The following PROX1 variants were observed in gnomAD, a reference collection of about 807,000 sequenced individuals.
PROX1 encodes prospero homeobox protein 1.
Under a neutral mutation model 58.8 loss-of-function variants are expected in PROX1, and 7 were observed. The ratio of observed to expected loss-of-function variants is 0.12; its 90% CI spans 0.07 to 0.22. The LOEUF (loss-of-function observed/expected upper bound fraction) is 0.22. Among genes scored for constraint, PROX1 ranks in the 10% least tolerant of loss-of-function variants. PROX1 has a pLI of 1.00. For missense variants in PROX1, 675 were observed against 927.8 expected, an observed-to-expected ratio of 0.73 and a Z score of 3.54; for synonymous variants, 350 against 358.3, an observed-to-expected ratio of 0.98 and a Z score of 0.26.
At chr1:214,029,190 TTTGTC>T (rs1664561456) in intron 4 of PROX1, 1 of 152,216 alleles carries the variant, frequency 6.6e-6, no homozygotes, top group Non-Finnish European at 1.5e-5. Flanking sequence ...ACTTCAACTA[TTTGTC>T]TCCTTCCCTA....
rs1164583467 is a variant in PROX1 at position 214,040,421 on chromosome 1, A to G, written c.*4587A>G. The G allele has an allele frequency of 6.6e-6, 1 of 151,922 alleles. No individual in the cohort carries two copies. Among genetic ancestry groups the G allele is most frequent in the Admixed American group, 6.5e-5 (1 of 15,278 alleles). 9.4% of individuals were successfully genotyped at this position (151,922 alleles called of 1,614,324 possible). On this transcript the variant is annotated 3_prime_UTR_variant, in exon 5 of 5. Transcript: ENST00000366958. The stretch of plus-strand genomic sequence containing the variant: ...AAACAAGCTTACCTTCTTTTGTGAA[A>G]ACGTATTCATTCTGTATTTTTTTAA...
chr1:213,997,035 C>T lies in PROX1; in HGVS notation c.500C>T (p.Ala167Val), dbSNP rs1160303355. The change falls in exon 2 of 5, where the codon GCC becomes GTC. Residue 167 changes from alanine (A) to valine (V), a missense_variant. Ala to Val is a moderately conservative substitution (Grantham distance 64). Around this residue, in one of 8 missense-constraint regions of PROX1, gnomAD observed 5 missense variants for 25.0 expected, o/e 0.20. Transcript: ENST00000366958. The surrounding 1 kb of genome is among the most constrained non-coding windows in gnomAD (Gnocchi z 7.1). ...GATGAGCACCTGAGAGCAAAGCGCG[C>T]CCGGGTTGAGAATATAATTCGGGGT... ...LCDEHLRAKR[A>V]RVENIIRGMS... The T allele has an allele frequency of 6.2e-7, 1 of 1,613,886 alleles. No individual in the cohort carries two copies. The highest frequency in any genetic ancestry group is 8.5e-7 in the Non-Finnish European group (1 of 1,180,034).
Position 213,998,143 on chromosome 1 carries a change from C to G in PROX1, c.1608C>G (p.His536Gln), listed in dbSNP as rs369562605. ...TGTCATCTCACCACCTGAGCCACCA[C>G]CCTTGTTCACCAGCACACCCGCCCA... ...TKMSSHHLSH[H>Q]PCSPAHPPST... The change falls in exon 2 of 5, where the codon CAC (histidine) becomes CAG (glutamine). Residue 536 changes from histidine to glutamine, a missense_variant. Around this residue, in one of 8 missense-constraint regions of PROX1, gnomAD observed 403 missense variants for 477.4 expected, o/e 0.84. Coordinates refer to ENST00000366958, the MANE Select transcript of PROX1 (RefSeq NM_001270616.2). 1.4e-5 allele frequency: 22 copies of G among 1,614,136 alleles called. No individual in the cohort carries two copies. Among genetic ancestry groups the G allele is most frequent in the Non-Finnish European group, 9.3e-6 (11 of 1,180,052 alleles).
intron 2 of PROX1, among the ~76,000 whole-genome samples, chr1:214,004,356 A>G (rs1399135122): frequency 6.6e-6 from 1 of 152,222 alleles, no homozygotes; most frequent in African/African-American, 2.4e-5. Flanking sequence ...GTTTCCAGAT[A>G]AATAGGCCTT....
At chr1:214,023,430 C>T (rs1184425680) in intron 4 of PROX1, among the ~76,000 whole-genome samples, 1 of 151,982 alleles carries the variant, frequency 6.6e-6, no homozygotes, top group South Asian at 2.1e-4. Flanking sequence ...GATTTCAGCT[C>T]ACCACAACCT....
chr1:214,024,764 A>G (rs538240228), intron 4 of PROX1, among the ~76,000 whole-genome samples: 3 of 152,322 alleles, frequency 2.0e-5, no homozygotes, highest in South Asian at 4.1e-4. Flanking sequence ...GTAACTGTGG[A>G]TTATCTGTGC....
chr1:214,029,322 A>G (rs1664566864), intron 4 of PROX1: 1 of 152,238 alleles, frequency 6.6e-6, no homozygotes, highest in African/African-American at 2.4e-5. Context: ...TGATTGGTAC[A>G]TCATTATACC....
At chr1:214,016,453 A>T (rs1664098126) in intron 4 of PROX1, among the ~76,000 whole-genome samples, 1 of 152,222 alleles carries the variant, frequency 6.6e-6, no homozygotes. Flanking sequence ...AAACTGGCAC[A>T]TGAGTGAGAG....
In PROX1 at chr1:213,998,144, C is replaced by T; in HGVS notation, c.1609C>T (p.Pro537Ser). ...GTCATCTCACCACCTGAGCCACCAC[C>T]CTTGTTCACCAGCACACCCGCCCAG... ...KMSSHHLSHH[P>S]CSPAHPPSTA... The change falls in exon 2 of 5, where the codon CCT becomes TCT. Residue 537 changes from proline (P) to serine (S), a missense_variant. Physicochemically the swap from Pro to Ser is moderately conservative, Grantham distance 74. Coordinates refer to ENST00000366958, the MANE Select transcript of PROX1 (RefSeq NM_001270616.2). The T allele has an allele frequency of 1.2e-6, 2 of 1,614,250 alleles. No homozygotes were observed. The highest frequency in any genetic ancestry group is 2.2e-5 in the South Asian group (2 of 91,086).
intron 3 of PROX1, among the ~76,000 whole-genome samples, chr1:214,009,772 G>A (rs1196523824): frequency 6.6e-6 from 1 of 151,910 alleles, no homozygotes; most frequent in African/African-American, 2.4e-5. Flanking sequence ...CAGTACTCTT[G>A]TCCATATGAG....
chr1:214,005,393 G>C (rs1663672040), intron 3 of PROX1, 121 bp downstream of exon 3: 1 of 733,126 alleles, frequency 1.4e-6, no homozygotes, highest in Admixed American at 2.9e-5. Context: ...TGTTATAATT[G>C]ATTTAATGCA....
At chr1:214,029,912 TA>T (rs1320936671) in intron 4 of PROX1, 2 of 152,616 alleles carry the variant, frequency 1.3e-5, no homozygotes, top group Non-Finnish European at 2.9e-5. Context: ...GTTTCTGTTT[TA>T]TTTACCGCAC....
intron 2 of PROX1, among the ~76,000 whole-genome samples, chr1:213,999,164 AT>A (rs927603202): frequency 6.6e-6 from 1 of 152,024 alleles, no homozygotes; most frequent in African/African-American, 2.4e-5. Flanking sequence ...TAACAGTTAT[AT>A]TTTTTTATTA....
intron 1 of PROX1, among the ~76,000 whole-genome samples, chr1:213,992,410 T>C (rs1267227841): frequency 1.3e-5 from 2 of 152,126 alleles, no homozygotes; most frequent in African/African-American, 4.8e-5. Context: ...CAGAAACAAA[T>C]TCTTGAATGT....
intron 2 of PROX1, among the ~76,000 whole-genome samples, chr1:214,003,772 CCT>C (rs1663608181): frequency 1.3e-5 from 2 of 152,118 alleles, no homozygotes; most frequent in South Asian, 4.1e-4. Context: ...GGTTAAACAC[CCT>C]GTTATAAGTA....
At chr1:213,984,200 C>A (rs1003504748), upstream of PROX1, 7 of 152,196 alleles carry the variant, frequency 4.6e-5, no homozygotes, top group Admixed American at 1.3e-4. Flanking sequence ...CCTCCTCATC[C>A]CCGCGGGTGT....
At chr1:214,008,426 CA>C (rs112156335) in intron 3 of PROX1, among the ~76,000 whole-genome samples, 128 of 146,602 alleles carry the variant, frequency 8.7e-4, no homozygotes, top group African/African-American at 3.1e-3. Context: ...ACAACAACAA[CA>C]AAAAAAACCA....
intron 4 of PROX1, among the ~76,000 whole-genome samples, chr1:214,012,916 C>T (rs980166452): frequency 1.3e-5 from 2 of 152,174 alleles, no homozygotes; most frequent in Non-Finnish European, 2.9e-5. Context: ...TAGTACTCTT[C>T]CTGCTTGCCC....
At chr1:214,006,547 G>C (rs941862441) in intron 3 of PROX1, among the ~76,000 whole-genome samples, 1 of 152,192 alleles carries the variant, frequency 6.6e-6, no homozygotes, top group Non-Finnish European at 1.5e-5. Flanking sequence ...GACTAAGTGA[G>C]CACAAACAAG....
Sources: gnomAD v4.1 joint callset for allele counts (sites outside exome capture counted in the v4.1 genomes callset) on GRCh38, gnomAD v4.1.1 for gene constraint, gnomAD v4.1.1 regional missense constraint, Gnocchi (gnomAD v3.1) non-coding constraint, MANE v1.5 for transcripts, NCBI Gene and HGNC (gene_info 2026-07-23, HGNC 2026-07-21) for gene names.